Variants in KRTCAP3 observed in about 807,000 individuals in gnomAD.
KRTCAP3 encodes the protein keratinocyte-associated protein 3.
Under a neutral mutation model 20.5 loss-of-function variants are expected in KRTCAP3, and 18 were observed. That is an observed-to-expected ratio of 0.88 (90% CI 0.61 to 1.31). The LOEUF (loss-of-function observed/expected upper bound fraction) is 1.31, where lower values mean the gene tolerates loss of function less well. Among genes scored for constraint, KRTCAP3 ranks in the 50% most tolerant of loss-of-function variants. The pLI, the probability that KRTCAP3 is intolerant of heterozygous loss-of-function variation, is 0.00. For synonymous variants in KRTCAP3, 167 were observed against 133.7 expected (o/e 1.25, Z -1.72); for missense variants, 347 against 310.4 (o/e 1.12, Z -0.89).
Position 27,444,278 on chromosome 2 carries a change from G to GTAAC in KRTCAP3, c.*100_*103dup, listed in dbSNP as rs1664830923. ...GGATGAGATAACAAATTGTAATAAAGTAACTTCTCTTTTCTTCTACTTGAT... is the reference window on the plus strand; with the variant it reads ...GGATGAGATAACAAATTGTAATAAAGTAACTAACTTCTCTTTTCTTCTACTTGAT... On this transcript the variant is annotated 3_prime_UTR_variant, in exon 7 of 7. Coordinates refer to ENST00000288873, the MANE Select transcript of KRTCAP3 (RefSeq NM_173853.4). 2 of 654,524 alleles carry GTAAC rather than the reference G, an allele frequency of 3.1e-6. No homozygotes were observed. Among genetic ancestry groups the GTAAC allele is most frequent in the Non-Finnish European group, 5.3e-6 (2 of 374,712 alleles). 40.5% of individuals were successfully genotyped at this position (654,524 alleles called of 1,614,324 possible).
intron 5 of KRTCAP3, 117 bp from the exon 6 acceptor site, chr2:27,443,832 C>G (rs1454698297): frequency 1.5e-6 from 1 of 688,374 alleles, no homozygotes; most frequent in East Asian, 2.6e-5. Context: ...ACCGAGATCA[C>G]GCCACTGCAC....
chr2:27,443,449 G>A lies in KRTCAP3; in HGVS notation c.532G>A (p.Ala178Thr). 6.2e-7 allele frequency: 1 copy of A among 1,614,146 alleles called. No homozygotes were observed. Among genetic ancestry groups the A allele is most frequent in the Non-Finnish European group, 8.5e-7 (1 of 1,180,006 alleles). ...TTCTTTGCTCATGTCTGCAGGGGAG[G>A]CTGCTCTATCTGGTTACTGCTGTGT... ...IPSLLMSAGE[A>T]ALSGYCCVAA... The change falls in exon 5 of 7, where the codon GCT becomes ACT. Residue 178 changes from alanine (A) to threonine (T), a missense_variant. Coordinates refer to ENST00000288873, the MANE Select transcript of KRTCAP3 (RefSeq NM_173853.4).
chr2:27,446,094 A>G (rs1189688349), downstream of KRTCAP3: 1 of 1,456,880 alleles, frequency 6.9e-7, no homozygotes, highest in Non-Finnish European at 9.6e-7. Flanking sequence ...CTTGAATGCT[A>G]TTTCTCTGGG....
chr2:27,443,964 G>C lies in KRTCAP3; in HGVS notation c.631G>C (p.Glu211Gln). The change falls in exon 6 of 7, where the codon GAG becomes CAG. Residue 211 changes from glutamate (E) to glutamine (Q), a missense_variant. By Grantham distance (29) the Glu-to-Gln change is conservative (BLOSUM62 2). Coordinates refer to ENST00000288873, the MANE Select transcript of KRTCAP3 (RefSeq NM_173853.4). Reference sequence around the variant, plus strand: ...TCTTCTGCAGCTAGAGGAAATGACAGAGCTTGAATCTCCTAAATGTAAAAG... The same window carrying C: ...TCTTCTGCAGCTAGAGGAAATGACACAGCTTGAATCTCCTAAATGTAAAAG... ...GLQGQLEEMT[E>Q]LESPKCKRQE... is the part of the protein sequence containing the mutation. 1.2e-6 allele frequency: 2 copies of C among 1,603,756 alleles called. No homozygotes were observed. Among genetic ancestry groups the C allele is most frequent in the Non-Finnish European group, 8.5e-7 (1 of 1,170,492 alleles).
downstream of KRTCAP3, chr2:27,445,354 G>A (rs1459018703): frequency 3.7e-6 from 6 of 1,613,458 alleles, no homozygotes; most frequent in East Asian, 2.2e-5. The surrounding 1 kb of genome is among the most constrained non-coding windows in gnomAD (Gnocchi z 4.4). Flanking sequence ...GGGAGGCCTC[G>A]TAGGCGCCAC....
At chr2:27,446,339 C>T, downstream of KRTCAP3, 1 of 1,614,228 alleles carries the variant, frequency 6.2e-7, no homozygotes, top group Non-Finnish European at 8.5e-7. Flanking sequence ...AACAGAAAGC[C>T]TGGCAGCCAC....
Position 27,442,576 on chromosome 2 carries a change from C to T in KRTCAP3, c.29-3C>T. 1 of 1,523,218 alleles carries T rather than the reference C, an allele frequency of 6.6e-7. No homozygotes were observed. Among genetic ancestry groups the T allele is most frequent in the Admixed American group, 2.3e-5 (1 of 44,356 alleles). 94.4% of individuals were successfully genotyped at this position (1,523,218 alleles called of 1,614,324 possible). ...CAACCCTGCCCTCCCCCGTGCTTTG[C>T]AGACGCCGCCCGGGGGCCCAGGCGG... On this transcript the variant is annotated splice_region_variant and splice_polypyrimidine_tract_variant and intron_variant, in intron 1 of 6. Transcript: ENST00000288873.
downstream of KRTCAP3, chr2:27,445,125 G>T (rs373421077): frequency 2.5e-6 from 4 of 1,613,252 alleles, no homozygotes; most frequent in Admixed American, 1.7e-5. The surrounding 1 kb of genome is among the most constrained non-coding windows in gnomAD (Gnocchi z 4.4). Flanking sequence ...AAGAAAAAAT[G>T]ATGAACTGGG....
chr2:27,442,771 C>T lies in KRTCAP3; in HGVS notation c.213+8C>T, dbSNP rs779593600. ...GTCGGCTCGGGGCTGCTGGTGAGCGCGGCAGGCGACCCGGGCGGGGGCCGG... is the reference window on the plus strand; with the variant it reads ...GTCGGCTCGGGGCTGCTGGTGAGCGTGGCAGGCGACCCGGGCGGGGGCCGG... On this transcript the variant is annotated splice_region_variant and intron_variant, in intron 2 of 6. Coordinates refer to ENST00000288873, the MANE Select transcript of KRTCAP3 (RefSeq NM_173853.4). 2.4e-5 allele frequency: 39 copies of T among 1,610,238 alleles called. No individual in the cohort carries two copies. The highest frequency in any genetic ancestry group is 3.1e-5 in the Non-Finnish European group (37 of 1,179,152).
Position 27,442,914 on chromosome 2 carries a change from TC to T in KRTCAP3, c.273+16del, listed in dbSNP as rs751726193. 2.8e-5 allele frequency: 45 copies of T among 1,612,924 alleles called. No homozygotes were observed. The highest frequency in any genetic ancestry group is 3.8e-5 in the Non-Finnish European group (45 of 1,179,796). On this transcript the variant is annotated intron_variant, in intron 3 of 6. Coordinates refer to ENST00000288873, the MANE Select transcript of KRTCAP3 (RefSeq NM_173853.4). ...TCGCCCTCCACTGGTGAGAGGGACT[TC>T]CCTGGAGCTTTTAACGAGTAGGCTT...
At position 27,443,102 on chromosome 2, in the gene KRTCAP3, T is replaced by TG; in HGVS notation, c.303dup (p.Asn102GlufsTer30). The TG allele has an allele frequency of 6.2e-7, 1 of 1,614,006 alleles. No homozygotes were observed. The highest frequency in any genetic ancestry group is 8.5e-7 in the Non-Finnish European group (1 of 1,180,006). ...TGGGTCCTGCTGGCACTAGCTCTGG[T>TG]GAACCTGCTCTTGTCCGTTGCCTGC... On this transcript the variant is annotated frameshift_variant, in exon 4 of 7. Transcript: ENST00000288873. LOFTEE classifies it high-confidence loss of function.
Position 27,443,229 on chromosome 2 carries a change from G to C in KRTCAP3, c.429G>C (p.Leu143=), listed in dbSNP as rs750293298. 8 of 1,614,034 alleles carry C rather than the reference G, an allele frequency of 5.0e-6. No homozygotes were observed. In the East Asian group the frequency reaches 1.3e-4, roughly 27 times the overall value. Residue 143 remains leucine (L), a synonymous_variant, in exon 4 of 7, where the codon CTG becomes CTC. Coordinates refer to ENST00000288873, the MANE Select transcript of KRTCAP3 (RefSeq NM_173853.4). ...GACTGCTGGATCCTCTGGTACCACT[G>C]GATGAGGGGCCGGGACATACTGACT... ...HPGLLDPLVP[L]DEGPGHTDCP... is the part of the protein sequence containing the mutation.
chr2:27,444,047 T>G lies in KRTCAP3; in HGVS notation c.714T>G (p.Ser238Arg), dbSNP rs745593932. ...AAGAAATCCGGGCATCACAGAGAAG[T>G]TGGGTTTAGGACAGGTAATGGGCCT... ...QNQEIRASQRSWV is the reference protein window; with the variant it reads ...QNQEIRASQRRWV The change falls in exon 6 of 7, where the codon AGT (serine) becomes AGG (arginine). Residue 238 changes from serine to arginine, a missense_variant. Physicochemically the swap from Ser to Arg is moderately radical, Grantham distance 110 (BLOSUM62 -1). Coordinates refer to ENST00000288873, the MANE Select transcript of KRTCAP3 (RefSeq NM_173853.4). 8 of 1,610,148 alleles carry G rather than the reference T, an allele frequency of 5.0e-6. No homozygotes were observed. Among genetic ancestry groups the G allele is most frequent in the Non-Finnish European group, 6.8e-6 (8 of 1,176,730 alleles).
chr2:27,446,445 AAAC>A (rs1281118617), downstream of KRTCAP3: 42 of 1,113,692 alleles, frequency 3.8e-5, no homozygotes, highest in East Asian at 7.2e-5. Context: ...CAGAACTAAA[AAAC>A]AACAATTATT....
At chr2:27,444,374 CAATT>C (rs1664839172), downstream of KRTCAP3, 1 of 1,099,686 alleles carries the variant, frequency 9.1e-7, no homozygotes, top group Non-Finnish European at 1.4e-6. Flanking sequence ...ACAGTGGTCT[CAATT>C]ATTTATAAAA....
In KRTCAP3 at chr2:27,443,458, T is replaced by C. The variant is rs776550724; in HGVS notation, c.541T>C (p.Ser181Pro). The C allele has an allele frequency of 6.2e-7, 1 of 1,614,150 alleles. No homozygotes were observed. Among genetic ancestry groups the C allele is most frequent in the Non-Finnish European group, 8.5e-7 (1 of 1,180,010 alleles). The change falls in exon 5 of 7, where the codon TCT (serine) becomes CCT (proline). Residue 181 changes from serine (S) to proline (P), a missense_variant. By Grantham distance (74) the Ser-to-Pro change is moderately conservative. Transcript: ENST00000288873. ...CATGTCTGCAGGGGAGGCTGCTCTA[T>C]CTGGTTACTGCTGTGTGGCTGCACT... ...LLMSAGEAALSGYCCVAALTL... is the reference protein window; with the variant it reads ...LLMSAGEAALPGYCCVAALTL...
In KRTCAP3 at chr2:27,442,433, C is replaced by T. The variant is rs770625499; in HGVS notation, c.21C>T (p.Cys7=). Residue 7 remains cysteine (C), a synonymous_variant, in exon 1 of 7, where the codon TGC becomes TGT. Transcript: ENST00000288873. The stretch of plus-strand genomic sequence containing the variant: ...ACGGGATGAGGCGCTGCAGTCTCTG[C>T]GCTTTCGGTAACTTCCGGGCCCTGG... MRRCSL[C]AFDAARGPRR... 1.1e-4 allele frequency: 176 copies of T among 1,569,858 alleles called. No individual in the cohort carries two copies. The highest frequency in any genetic ancestry group is 1.4e-4 in the Non-Finnish European group (162 of 1,158,336).
Position 27,443,392 on chromosome 2 carries a change from T to C in KRTCAP3, c.481-6T>C, listed in dbSNP as rs1664741292. 6 of 1,614,072 alleles carry C rather than the reference T, an allele frequency of 3.7e-6. No individual in the cohort carries two copies. Among genetic ancestry groups the C allele is most frequent in the Non-Finnish European group, 5.1e-6 (6 of 1,180,032 alleles). ...CCTCCTACTCCCCATCCTTCTTGCT[T>C]TTCAGGATACAGCCTTGGCTCTCTG... On this transcript the variant is annotated splice_region_variant and splice_polypyrimidine_tract_variant and intron_variant, in intron 4 of 6. Coordinates refer to ENST00000288873, the MANE Select transcript of KRTCAP3 (RefSeq NM_173853.4).
At chr2:27,443,692 A>AGGTG (rs1157712343) in intron 5 of KRTCAP3, among the ~76,000 whole-genome samples, 160 bp downstream of exon 5, 4 of 152,116 alleles carry the variant, frequency 2.6e-5, no homozygotes, top group African/African-American at 9.7e-5. Context: ...CAGCTTGGAC[A>AGGTG]ACATGGTGAA....
Sources: gnomAD v4.1 joint callset for allele counts (sites outside exome capture counted in the v4.1 genomes callset) on GRCh38, gnomAD v4.1.1 for gene constraint, Gnocchi (gnomAD v3.1) non-coding constraint, MANE v1.5 for transcripts, NCBI Gene and HGNC (gene_info 2026-07-23, HGNC 2026-07-21) for gene names.